AKAP19: variants seen among roughly 807,000 people sequenced by gnomAD.
AKAP19 encodes A-kinase anchoring protein 19.
the AKAP19 span, among the ~76,000 whole-genome samples, chr2:189,883,557 C>A: frequency 5.0e-5 from 6 of 119,448 alleles, no homozygotes; most frequent in South Asian, 2.5e-4. Flanking sequence ...CAACCTTTTT[C>A]CCCTTACTTA....
the AKAP19 span, among the ~76,000 whole-genome samples, chr2:189,982,902 T>G: frequency 6.6e-6 from 1 of 151,888 alleles, no homozygotes; most frequent in East Asian, 1.9e-4. Flanking sequence ...AGTGTGGAGG[T>G]CTCAGGAAGA....
At chr2:190,044,409 A>G in the AKAP19 span, among the ~76,000 whole-genome samples, 1 of 152,098 alleles carries the variant, frequency 6.6e-6, no homozygotes, top group Non-Finnish European at 1.5e-5. Flanking sequence ...GGCCCATGGG[A>G]AATAGACTGG....
the AKAP19 span, among the ~76,000 whole-genome samples, chr2:190,000,864 G>T: frequency 1.3e-5 from 2 of 151,924 alleles, no homozygotes; most frequent in African/African-American, 4.8e-5. Flanking sequence ...TCTTACTTGG[G>T]GTTTATTGGG....
chr2:190,159,367 T>C, the AKAP19 span, among the ~76,000 whole-genome samples: 1 of 152,212 alleles, frequency 6.6e-6, no homozygotes, highest in Non-Finnish European at 1.5e-5. Flanking sequence ...TCTCACCGTC[T>C]ATATAATCAC....
chr2:190,169,762 G>A, the AKAP19 span, among the ~76,000 whole-genome samples: 832 of 152,320 alleles, frequency 5.5e-3, 6 homozygotes, highest in Non-Finnish European at 7.6e-3. Context: ...GGCTTAGCTG[G>A]TTTGGGCTTA....
chr2:190,031,845 C>T, the AKAP19 span, among the ~76,000 whole-genome samples: 2 of 152,074 alleles, frequency 1.3e-5, no homozygotes, highest in Non-Finnish European at 2.9e-5. Flanking sequence ...AATGCTGGGT[C>T]AGTTTTTTAA....
the AKAP19 span, among the ~76,000 whole-genome samples, chr2:189,968,673 A>G: frequency 6.6e-6 from 1 of 152,198 alleles, no homozygotes; most frequent in African/African-American, 2.4e-5. Flanking sequence ...AGAGTAGAAG[A>G]ATGAAAAAAG....
chr2:189,999,665 C>T, the AKAP19 span, among the ~76,000 whole-genome samples: 1 of 144,634 alleles, frequency 6.9e-6, no homozygotes, highest in Non-Finnish European at 1.5e-5. Context: ...CTGCTTCTGA[C>T]TAGTTAATTT....
chr2:190,130,058 T>A, the AKAP19 span, among the ~76,000 whole-genome samples: 1 of 152,292 alleles, frequency 6.6e-6, no homozygotes, highest in African/African-American at 2.4e-5. Flanking sequence ...AGACTTCTAG[T>A]CCAATTTTTC....
chr2:190,176,853 C>T, the AKAP19 span, among the ~76,000 whole-genome samples: 4 of 152,118 alleles, frequency 2.6e-5, no homozygotes, highest in African/African-American at 7.2e-5. This position sits in a 1 kb window ranked among gnomAD's most constrained non-coding sequence, Gnocchi z 4.7. Context: ...CAGCCAAATC[C>T]GAATAAAATC....
the AKAP19 span, among the ~76,000 whole-genome samples, chr2:190,069,250 A>G: frequency 6.6e-6 from 1 of 151,826 alleles, no homozygotes; most frequent in Non-Finnish European, 1.5e-5. Context: ...TGAACTGAGC[A>G]TAATAATAAA....
At chr2:190,057,511 G>C in the AKAP19 span, 47 of 1,613,512 alleles carry the variant, frequency 2.9e-5, no homozygotes, top group African/African-American at 5.3e-4. Flanking sequence ...CCATCCAAAA[G>C]CTTCAAAATC....
the AKAP19 span, among the ~76,000 whole-genome samples, chr2:190,133,097 G>A: frequency 1.2e-3 from 188 of 151,866 alleles, 2 homozygotes; most frequent in South Asian, 9.2e-3. Flanking sequence ...AATTAGCCGG[G>A]CGTGGTGGCG....
the AKAP19 span, among the ~76,000 whole-genome samples, chr2:189,907,442 A>G: frequency 6.6e-6 from 1 of 152,070 alleles, no homozygotes; most frequent in African/African-American, 2.4e-5. Flanking sequence ...CTTGAATATC[A>G]TCTTATCAGA....
the AKAP19 span, among the ~76,000 whole-genome samples, chr2:190,142,460 A>G: frequency 6.6e-6 from 1 of 151,966 alleles, no homozygotes; most frequent in Admixed American, 6.6e-5. Context: ...TTTGCTCTCT[A>G]CCCCAAACTC....
the AKAP19 span, among the ~76,000 whole-genome samples, chr2:190,198,746 T>C: frequency 6.6e-5 from 10 of 151,930 alleles, no homozygotes; most frequent in Admixed American, 2.0e-4. Context: ...ATCTCATTCA[T>C]AGAGATTACC....
chr2:190,087,060 A>G, the AKAP19 span, among the ~76,000 whole-genome samples: 35 of 152,288 alleles, frequency 2.3e-4, no homozygotes, highest in Non-Finnish European at 4.3e-4. Flanking sequence ...TAATAATGGA[A>G]CCACCAATAC....
the AKAP19 span, among the ~76,000 whole-genome samples, chr2:190,031,901 T>C: frequency 6.6e-6 from 1 of 152,228 alleles, no homozygotes; most frequent in African/African-American, 2.4e-5. Flanking sequence ...GTTCATGTGA[T>C]AGTTTTAGAA....
the AKAP19 span, among the ~76,000 whole-genome samples, chr2:190,114,542 ACCT>A: frequency 6.6e-6 from 1 of 151,874 alleles, no homozygotes; most frequent in East Asian, 1.9e-4. Context: ...TGCAAGCTTC[ACCT>A]CCTGGATTCA....
Sources: gnomAD v4.1 joint callset for allele counts (sites outside exome capture counted in the v4.1 genomes callset) on GRCh38, gnomAD v4.1.1 for gene constraint, Gnocchi (gnomAD v3.1) non-coding constraint, MANE v1.5 for transcripts, NCBI Gene and HGNC (gene_info 2026-07-23, HGNC 2026-07-21) for gene names.